The following CES2 variants were observed in gnomAD, a reference collection of about 807,000 sequenced individuals.
The protein encoded by CES2 is cocaine esterase.
CES2 carries 42 observed loss-of-function variants against 52.1 expected under a neutral mutation model. The observed-to-expected ratio is 0.81, with a 90% confidence interval of 0.63 to 1.04. The LOEUF is 1.04. Ranked by LOEUF, CES2 falls within the 50% of genes least tolerant of loss-of-function variation. The probability of loss-of-function intolerance (pLI) is 0.00; values close to 1 mark genes in which losing one functional copy is unlikely to be tolerated. For synonymous variants in CES2, 277 were observed against 289.6 expected (o/e 0.96, Z 0.44); for missense variants, 656 against 724.3 (o/e 0.91, Z 1.08).
intron 8 of CES2, 76 bp from the exon 9 acceptor site, chr16:66,942,028 TC>T (rs1567549255): frequency 6.5e-7 from 1 of 1,546,406 alleles, no homozygotes; most frequent in Non-Finnish European, 8.8e-7. Context: ...TCCTGTGCCA[TC>T]CCCAAGCCCG....
chr16:66,940,452 C>G lies in CES2; in HGVS notation c.573C>G (p.His191Gln), dbSNP rs143299572. ...VLGFFSTGDK[H>Q]ATGNWGYLDQ... Reference sequence around the variant, plus strand: ...TACTTCTCAGCACTGGAGACAAGCACGCAACCGGCAACTGGGGCTACCTGG... The same window carrying G: ...TACTTCTCAGCACTGGAGACAAGCAGGCAACCGGCAACTGGGGCTACCTGG... The change falls in exon 5 of 12, where the codon CAC becomes CAG. Residue 191 changes from histidine (H) to glutamine (Q), a missense_variant. His to Gln is a conservative substitution (Grantham distance 24). Coordinates refer to ENST00000317091, the MANE Select transcript of CES2 (RefSeq NM_001365405.1). The G allele has an allele frequency of 1.9e-6, 3 of 1,614,172 alleles. No individual in the cohort carries two copies. The highest frequency in any genetic ancestry group is 2.2e-5 in the East Asian group (1 of 44,882).
In CES2 at chr16:66,941,601, C is replaced by T; in HGVS notation, c.1011C>T (p.Ser337=). The T allele has an allele frequency of 6.2e-7, 1 of 1,614,140 alleles. No individual in the cohort carries two copies. The highest frequency in any genetic ancestry group is 1.1e-5 in the South Asian group (1 of 91,090). ...CTGCCGACTTTCAGCCTGTCCCTAGCATTGTTGGTGTCAACAACAATGAAT... is the reference window on the plus strand; with the variant it reads ...CTGCCGACTTTCAGCCTGTCCCTAGTATTGTTGGTGTCAACAACAATGAAT... The part of the protein sequence containing the change: ...LASADFQPVP[S]IVGVNNNEFG... Residue 337 remains serine, a synonymous_variant, in exon 7 of 12, where the codon AGC becomes AGT. Coordinates refer to ENST00000317091, the MANE Select transcript of CES2 (RefSeq NM_001365405.1).
intron 3 of CES2, among the ~76,000 whole-genome samples, 162 bp downstream of exon 3, chr16:66,939,520 C>T (rs1963305683): frequency 6.6e-6 from 1 of 152,234 alleles, no homozygotes; most frequent in South Asian, 2.1e-4. Context: ...GGGCAGCTGG[C>T]CCCTGGACAT....
Position 66,942,636 on chromosome 16 carries a change from TCCACC to T in CES2, c.1283-7_1283-3del. On this transcript the variant is annotated splice_region_variant and splice_polypyrimidine_tract_variant and intron_variant, in intron 9 of 11. Coordinates refer to ENST00000317091, the MANE Select transcript of CES2 (RefSeq NM_001365405.1). Reference sequence around the variant, plus strand: ...GGAGGGGCCACCGTGTCATGGGCTGTCCACCCCACAGGTTCCCGGGCCCCTGTGTA... The same window carrying T: ...GGAGGGGCCACCGTGTCATGGGCTGTCCACAGGTTCCCGGGCCCCTGTGTA... 6.2e-7 allele frequency: 1 copy of T among 1,614,080 alleles called. No homozygotes were observed. Among genetic ancestry groups the T allele is most frequent in the South Asian group, 1.1e-5 (1 of 91,076 alleles).
chr16:66,935,379 A>G (rs1963173441), upstream of CES2: 7 of 1,509,460 alleles, frequency 4.6e-6, no homozygotes, highest in Non-Finnish European at 6.3e-6. Context: ...GAGGATGCCA[A>G]AGGAGCCCGG....
rs749912964 is a variant in CES2, at chr16:66,942,211, T to C, written c.1244T>C (p.Met415Thr). The C allele has an allele frequency of 1.2e-6, 2 of 1,613,610 alleles. No individual in the cohort carries two copies. Among genetic ancestry groups the C allele is most frequent in the South Asian group, 1.1e-5 (1 of 91,020 alleles). ...TTCCAGGAGATGATGGCGGACTCCA[T>C]GTTTGTGATCCCTGCACTCCAAGTA... Reference protein sequence around the residue: ...AQFQEMMADSMFVIPALQVAH... With the variant: ...AQFQEMMADSTFVIPALQVAH... Residue 415 changes from methionine (M) to threonine (T), a missense_variant, in exon 9 of 12, where the codon ATG (methionine) becomes ACG (threonine). Physicochemically the swap from Met to Thr is moderately conservative, Grantham distance 81. Transcript: ENST00000317091.
intron 1 of CES2, among the ~76,000 whole-genome samples, chr16:66,937,487 C>T (rs1400911055): frequency 6.6e-6 from 1 of 152,202 alleles, no homozygotes; most frequent in African/African-American, 2.4e-5. Flanking sequence ...CAGGCATGCA[C>T]CACCACACCC....
At chr16:66,934,559 G>C, upstream of CES2, 1 of 815,724 alleles carries the variant, frequency 1.2e-6, no homozygotes, top group South Asian at 1.9e-5. The surrounding 1 kb of genome is among the most constrained non-coding windows in gnomAD (Gnocchi z 4.1). Context: ...CATGATGGTC[G>C]CTGGAGCAGA....
rs1963405309 is a variant in CES2, at chr16:66,943,172, G to A, written c.1421-127G>A. The stretch of plus-strand genomic sequence containing the variant: ...GGAAAAGGGGAGGGCTGGCTTCTGA[G>A]GGCAGTGGAAGAAAAAGCGGAGAAG... On this transcript the variant is annotated intron_variant, in intron 10 of 11. Transcript: ENST00000317091. This position sits in a 1 kb window ranked among gnomAD's most constrained non-coding sequence, Gnocchi z 4.2. 6 of 946,164 alleles carry A rather than the reference G, an allele frequency of 6.3e-6. No homozygotes were observed. The Admixed American group carries it at 1.4e-4, about 22-fold the overall frequency. The allele number at this position is 946,164 out of a possible 1,614,324, so 58.6% of individuals were successfully genotyped here.
chr16:66,938,294 G>A (rs1191093588), intron 2 of CES2, 53 bp downstream of exon 2: 3 of 1,317,758 alleles, frequency 2.3e-6, no homozygotes, highest in East Asian at 4.6e-5. Context: ...AGGGGTGGGG[G>A]TGCTCTGAGC....
chr16:66,937,665 A>G (rs993939079), intron 1 of CES2, among the ~76,000 whole-genome samples: 1 of 152,124 alleles, frequency 6.6e-6, no homozygotes, highest in African/African-American at 2.4e-5. Context: ...ATTTCTTGCC[A>G]CTTTGGACAT....
rs961263373 is a variant in CES2, at chr16:66,940,115, T to G, written c.424-107T>G. On this transcript the variant is annotated intron_variant, in intron 3 of 11. Transcript: ENST00000317091. ...CCATGTAATGAATTTGTGCTGGAGA[T>G]CTAATGGGGAGGTAGACAGAGGCAA... The G allele has an allele frequency of 1.1e-5, 16 of 1,459,300 alleles. No homozygotes were observed. The South Asian group carries it at 1.2e-4, about 11-fold the overall frequency. The allele number at this position is 1,459,300 out of a possible 1,614,324, so 90.4% of individuals were successfully genotyped here. A position where few individuals can be genotyped will look rare whatever the true frequency, so the allele number is the denominator to read the frequency against.
In CES2 at chr16:66,944,544, T is replaced by A. The variant is rs1052411673; in HGVS notation, c.*519T>A. The A allele has an allele frequency of 1.3e-5, 2 of 152,170 alleles. No homozygotes were observed. The highest frequency in any genetic ancestry group is 2.9e-5 in the Non-Finnish European group (2 of 68,046). 9.4% of individuals were successfully genotyped at this position (152,170 alleles called of 1,614,324 possible). A position where few individuals can be genotyped will look rare whatever the true frequency, so the allele number is the denominator to read the frequency against. ...AGCAGAACACCTGAGGACAGGAGTTTGAGACCAGCCTGCCCAACGTGGTGA... is the reference window on the plus strand; with the variant it reads ...AGCAGAACACCTGAGGACAGGAGTTAGAGACCAGCCTGCCCAACGTGGTGA... On this transcript the variant is annotated 3_prime_UTR_variant, in exon 12 of 12. Transcript: ENST00000317091.
At chr16:66,941,699 G>A in intron 7 of CES2, 53 bp downstream of exon 7, 2 of 1,613,244 alleles carry the variant, frequency 1.2e-6, no homozygotes, top group Non-Finnish European at 1.7e-6. Flanking sequence ...TGGTAGTGGG[G>A]GGTGTTCAGG....
rs942455282 is a variant in CES2, at chr16:66,944,232, G to A, written c.*207G>A. On this transcript the variant is annotated 3_prime_UTR_variant, in exon 12 of 12. Coordinates refer to ENST00000317091, the MANE Select transcript of CES2 (RefSeq NM_001365405.1). ...ACTTGTAATCCCAGCTATTGGGAAG[G>A]ATGAGATGGGAGGATGGCTTGAGGC... 1.1e-5 allele frequency: 4 copies of A among 355,588 alleles called. No homozygotes were observed. The highest frequency in any genetic ancestry group is 2.0e-5 in the Non-Finnish European group (4 of 197,882). The allele number at this position is 355,588 out of a possible 1,614,324, so 22.0% of individuals were successfully genotyped here. A position where few individuals can be genotyped will look rare whatever the true frequency, so the allele number is the denominator to read the frequency against.
chr16:66,940,157 G>T (rs1220647011), intron 3 of CES2, 65 bp from the exon 4 acceptor site: 3 of 1,596,038 alleles, frequency 1.9e-6, no homozygotes, highest in Non-Finnish European at 2.6e-6. Flanking sequence ...GGTTGGTCTA[G>T]GTAGTGGCCC....
rs200658234 is a variant in CES2, at chr16:66,935,527, A to G, written c.-109A>G. On this transcript the variant is annotated 5_prime_UTR_variant, in exon 1 of 12. Coordinates refer to ENST00000317091, the MANE Select transcript of CES2 (RefSeq NM_001365405.1). ...CCCCGCTGACTCCCTGCCCAGTCCAAACTCCAAGGCTGGGCAAGGCACTGA... is the reference window on the plus strand; with the variant it reads ...CCCCGCTGACTCCCTGCCCAGTCCAGACTCCAAGGCTGGGCAAGGCACTGA... 6.8e-6 allele frequency: 11 copies of G among 1,614,100 alleles called. No individual in the cohort carries two copies. In the African/African-American group the frequency reaches 1.3e-4, roughly 20 times the overall value.
At position 66,940,513 on chromosome 16, in the gene CES2, A is replaced by G. The variant is rs1355987108; in HGVS notation, c.634A>G (p.Ile212Val). Residue 212 changes from isoleucine (I) to valine (V), a missense_variant, in exon 5 of 12, where the codon ATC becomes GTC. Physicochemically the swap from Ile to Val is conservative, Grantham distance 29 (BLOSUM62 3). Transcript: ENST00000317091. ...VAALRWVQQN[I>V]AHFGGNPDRV... ...TGCACTACGCTGGGTCCAGCAGAAT[A>G]TCGCCCACTTTGGAGGCAACCCTGA... 1.9e-6 allele frequency: 3 copies of G among 1,614,102 alleles called. No individual in the cohort carries two copies. The highest frequency in any genetic ancestry group is 2.5e-6 in the Non-Finnish European group (3 of 1,180,038).
At chr16:66,934,508 G>C (rs541140256), upstream of CES2, 7 of 1,281,052 alleles carry the variant, frequency 5.5e-6, no homozygotes, top group East Asian at 1.8e-4. This position sits in a 1 kb window ranked among gnomAD's most constrained non-coding sequence, Gnocchi z 4.1. Flanking sequence ...TGAGGTGCGA[G>C]AGAAGCGGTG....
Sources: gnomAD v4.1 joint callset for allele counts (sites outside exome capture counted in the v4.1 genomes callset) on GRCh38, gnomAD v4.1.1 for gene constraint, Gnocchi (gnomAD v3.1) non-coding constraint, MANE v1.5 for transcripts, NCBI Gene and HGNC (gene_info 2026-07-23, HGNC 2026-07-21) for gene names.